Variants in ECM2 observed in about 807,000 individuals in gnomAD.
ECM2 encodes the protein extracellular matrix protein 2, female organ and adipocyte specific.
In ECM2, 57 loss-of-function variants were observed where a neutral mutation model predicts 67.5. The observed-to-expected ratio is 0.84, with a 90% confidence interval of 0.68 to 1.05. ECM2 has a LOEUF of 1.05. ECM2 is among the 50% of genes least tolerant of loss of function. ECM2 has a pLI of 0.00. For missense variants in ECM2, 741 were observed against 822.8 expected (o/e 0.90, Z 1.22); for synonymous variants, 258 against 294.5 (o/e 0.88, Z 1.27).
the ECM2 span, among the ~76,000 whole-genome samples, chr9:92,551,119 A>G: frequency 6.6e-6 from 1 of 152,172 alleles, no homozygotes; most frequent in Non-Finnish European, 1.5e-5. Flanking sequence ...GGGAGAGCAC[A>G]TAGACATCTT....
intron 7 of ECM2, 69 bp from the exon 8 acceptor site, chr9:92,502,721 A>T: frequency 7.8e-7 from 1 of 1,285,910 alleles, no homozygotes; most frequent in Non-Finnish European, 1.1e-6. Flanking sequence ...CATGGAGACT[A>T]AAATAGTGAC....
chr9:92,528,511 C>G (rs1290502061), intron 1 of ECM2, among the ~76,000 whole-genome samples: 1 of 151,578 alleles, frequency 6.6e-6, no homozygotes, highest in Admixed American at 6.6e-5. Context: ...ATACTTGAGA[C>G]TGGGAAAAGA....
intron 1 of ECM2, among the ~76,000 whole-genome samples, chr9:92,525,064 C>T (rs1317807443): frequency 1.3e-5 from 2 of 152,140 alleles, no homozygotes; most frequent in Admixed American, 6.5e-5. Flanking sequence ...GTAATCCCAG[C>T]CCTATAGGAG....
At chr9:92,522,987 T>A in intron 1 of ECM2, 94 bp from the exon 2 acceptor site, 1 of 1,209,126 alleles carries the variant, frequency 8.3e-7, no homozygotes. Flanking sequence ...AGTAGGCAAG[T>A]CTTTGAGAAA....
rs1407853774 is a variant in ECM2, at chr9:92,518,231, CAG to C, written c.293-358_293-357del. On this transcript the variant is annotated intron_variant, in intron 2 of 9. Transcript: ENST00000344604. ...ATACTTTGTGTCTAATGTGGGGACA[CAG>C]GGGCTCAGCTCATCATATTCACTCA... Among the ~76,000 whole-genome samples, 4 of 152,318 alleles carry C rather than the reference CAG, an allele frequency of 2.6e-5. No individual in the cohort carries two copies. In the East Asian group the frequency reaches 5.8e-4, roughly 22 times the overall value.
chr9:92,505,927 T>G (rs1846979059), intron 6 of ECM2, among the ~76,000 whole-genome samples: 1 of 151,952 alleles, frequency 6.6e-6, no homozygotes, highest in African/African-American at 2.4e-5. Flanking sequence ...AAAAAATCAT[T>G]GAAATGCTAG....
intron 6 of ECM2, among the ~76,000 whole-genome samples, chr9:92,508,359 C>T (rs1394130188): frequency 2.6e-5 from 4 of 152,194 alleles, no homozygotes; most frequent in Admixed American, 6.5e-5. Flanking sequence ...GCAGACAGCC[C>T]GTTCACCCTG....
At chr9:92,499,690 C>T (rs1358357569) in intron 9 of ECM2, among the ~76,000 whole-genome samples, 2 of 152,190 alleles carry the variant, frequency 1.3e-5, no homozygotes, top group Non-Finnish European at 2.9e-5. Context: ...CTTCCCAAAC[C>T]CCCATCTCTT....
chr9:92,533,328 A>AAAAAAAAAAAAAAAAAAATATATATATAT (rs1554683138), intron 1 of ECM2, among the ~76,000 whole-genome samples: 1 of 38,332 alleles, frequency 2.6e-5, no homozygotes, highest in Non-Finnish European at 4.3e-5. Flanking sequence ...AAAAAAAAAA[A>AAAAAAAAAAAAAAAAAAATATATATATAT]ATATATATAT....
the ECM2 span, among the ~76,000 whole-genome samples, chr9:92,556,000 T>G: frequency 3.9e-5 from 6 of 152,326 alleles, no homozygotes; most frequent in African/African-American, 1.4e-4. Context: ...TCTGTGCTCT[T>G]TCAGACTTTT....
At chr9:92,506,139 T>TG (rs1443433758) in intron 6 of ECM2, among the ~76,000 whole-genome samples, 2 of 152,088 alleles carry the variant, frequency 1.3e-5, no homozygotes, top group Non-Finnish European at 2.9e-5. Flanking sequence ...TAATAGGCAA[T>TG]GGGGTGGGTA....
At chr9:92,527,162 C>G (rs1848465516) in intron 1 of ECM2, among the ~76,000 whole-genome samples, 1 of 152,156 alleles carries the variant, frequency 6.6e-6, no homozygotes, top group Non-Finnish European at 1.5e-5. Context: ...ACCCGTGCCA[C>G]CATGCCCAGC....
chr9:92,557,052 T>G, the ECM2 span, among the ~76,000 whole-genome samples: 1 of 152,242 alleles, frequency 6.6e-6, no homozygotes. Flanking sequence ...CAGCATTTGT[T>G]TGTCTGAAAA....
At chr9:92,513,402 T>G (rs1170003632) in intron 4 of ECM2, among the ~76,000 whole-genome samples, 1 of 152,234 alleles carries the variant, frequency 6.6e-6, no homozygotes, top group Non-Finnish European at 1.5e-5. Flanking sequence ...CATTTTCTTA[T>G]AAACTTAAAC....
At chr9:92,512,153 G>A (rs1847386479) in intron 4 of ECM2, 27 bp from the exon 5 acceptor site, 2 of 1,539,378 alleles carry the variant, frequency 1.3e-6, no homozygotes, top group Non-Finnish European at 1.8e-6. Context: ...TTATGTTTTA[G>A]GCATGTGTGC....
intron 9 of ECM2, among the ~76,000 whole-genome samples, chr9:92,497,314 A>G (rs954935628): frequency 6.6e-6 from 1 of 150,832 alleles, no homozygotes; most frequent in Non-Finnish European, 1.5e-5. Flanking sequence ...GGGGAGTGAT[A>G]TACTGATACT....
At chr9:92,516,086 C>T (rs10992357) in intron 3 of ECM2, among the ~76,000 whole-genome samples, 7,405 of 150,206 alleles carry the variant, frequency 0.049, 867 homozygotes, top group East Asian at 0.43. Flanking sequence ...CCCCCCGAGA[C>T]GGAGTCTTGC....
upstream of ECM2, among the ~76,000 whole-genome samples, chr9:92,537,100 T>G (rs1399758200): frequency 6.6e-6 from 1 of 151,708 alleles, no homozygotes; most frequent in East Asian, 2.0e-4. Context: ...GGTCTCGAAC[T>G]CTTGACCTCA....
Position 92,517,819 on chromosome 9 carries a change from A to G in ECM2, c.349T>C (p.Ser117Pro). ...AGGCAGGTAGTGCAGGGCTCAGGCGACCACACAGCTTTGTTGTACATGGTT... is the reference window on the plus strand; with the variant it reads ...AGGCAGGTAGTGCAGGGCTCAGGCGGCCACACAGCTTTGTTGTACATGGTT... ...GITMYNKAVW[S>P]PEPCTTCLCS... is the part of the protein sequence containing the mutation. The change falls in exon 3 of 10, where the codon TCG becomes CCG. Residue 117 changes from serine (S) to proline (P), a missense_variant. Coordinates refer to ENST00000344604, the MANE Select transcript of ECM2 (RefSeq NM_001393.4). The G allele has an allele frequency of 6.2e-7, 1 of 1,614,200 alleles. No homozygotes were observed. The highest frequency in any genetic ancestry group is 8.5e-7 in the Non-Finnish European group (1 of 1,180,046).
Sources: allele counts gnomAD v4.1 joint callset (sites outside exome capture counted in the v4.1 genomes callset), GRCh38; gene constraint gnomAD v4.1.1; transcripts MANE v1.5; gene names NCBI Gene and HGNC (gene_info 2026-07-23, HGNC 2026-07-21).